DAP: variants seen among roughly 807,000 people sequenced by gnomAD.
DAP encodes the protein death associated protein.
In DAP, 8 loss-of-function variants were observed where a neutral mutation model predicts 13.8. That is an observed-to-expected ratio of 0.58 (90% CI 0.34 to 1.05). DAP has a LOEUF of 1.05. Among genes scored for constraint, DAP ranks in the 50% least tolerant of loss-of-function variants. DAP has a pLI of 0.03. For synonymous variants in DAP, 47 were observed against 47.5 expected, an observed-to-expected ratio of 0.99 and a Z score of 0.04; for missense variants, 106 against 133.2, an observed-to-expected ratio of 0.80 and a Z score of 1.01.
chr5:10,702,144 A>G (rs1267449745), intron 2 of DAP, among the ~76,000 whole-genome samples: 3 of 152,210 alleles, frequency 2.0e-5, no homozygotes, highest in Non-Finnish European at 4.4e-5. Flanking sequence ...GTCAAGGACC[A>G]TGGTGGAATT....
Position 10,761,147 on chromosome 5 carries a change from G to T in DAP, c.-79C>A. On this transcript the variant is annotated 5_prime_UTR_variant, in exon 1 of 4. Transcript: ENST00000230895. ...CGGGCGTGCGCGAGTGAGCTCAGGT[G>T]TGAGCGCCGGGGAGCGAGCGGGCGG... 3 of 850,676 alleles carry T rather than the reference G, an allele frequency of 3.5e-6. No individual in the cohort carries two copies. Among genetic ancestry groups the T allele is most frequent in the Non-Finnish European group, 4.6e-6 (3 of 653,774 alleles). 52.7% of individuals were successfully genotyped at this position (850,676 alleles called of 1,614,324 possible).
rs1048766684 is a variant in DAP at position 10,683,518 on chromosome 5, C to G, written c.195+11G>C. 1.2e-6 allele frequency: 2 copies of G among 1,614,014 alleles called. No individual in the cohort carries two copies. The highest frequency in any genetic ancestry group is 1.7e-6 in the Non-Finnish European group (2 of 1,179,934). On this transcript the variant is annotated intron_variant, in intron 3 of 3. Transcript: ENST00000230895. ...AAGCCTCAAACCCACCGCAGACACT[C>G]CCAGACTTACCCGGGCGATGACCCC...
chr5:10,720,841 A>G (rs867166296), intron 2 of DAP, among the ~76,000 whole-genome samples: 5 of 152,198 alleles, frequency 3.3e-5, no homozygotes, highest in Non-Finnish European at 5.9e-5. Context: ...TGGAATAGAC[A>G]CTTACTCTGG....
intron 1 of DAP, among the ~76,000 whole-genome samples, chr5:10,758,576 C>G (rs1428495943): frequency 6.6e-6 from 1 of 152,172 alleles, no homozygotes; most frequent in Non-Finnish European, 1.5e-5. Flanking sequence ...AGGAGTTTAC[C>G]TGGGGGATGA....
intron 2 of DAP, among the ~76,000 whole-genome samples, chr5:10,685,464 G>T (rs1218592531): frequency 6.6e-6 from 1 of 152,174 alleles, no homozygotes; most frequent in Non-Finnish European, 1.5e-5. Flanking sequence ...GGGCCAAGGA[G>T]TTTGCATCCA....
At chr5:10,692,500 G>C (rs531544166) in intron 2 of DAP, among the ~76,000 whole-genome samples, 1 of 152,190 alleles carries the variant, frequency 6.6e-6, no homozygotes, top group Admixed American at 6.5e-5. Flanking sequence ...TTAGTCCAGC[G>C]CCCATCCCAA....
rs867760889 is a variant in DAP, at chr5:10,705,577, T to C, written c.153-22006A>G. On this transcript the variant is annotated intron_variant, in intron 2 of 3. Coordinates refer to ENST00000230895, the MANE Select transcript of DAP (RefSeq NM_004394.3). ...AGAAGCAGTTCCATGCAGGGCCACA[T>C]GCCCTCATGGTGTGTACTATCTGGG... Among the ~76,000 whole-genome samples the C allele has an allele frequency of 7.2e-5, 11 of 152,362 alleles. No homozygotes were observed. The South Asian group carries it at 8.3e-4, about 11-fold the overall frequency.
At chr5:10,747,743 G>A (rs1739942895) in intron 2 of DAP, among the ~76,000 whole-genome samples, 4 of 152,228 alleles carry the variant, frequency 2.6e-5, no homozygotes, top group Admixed American at 2.6e-4. Flanking sequence ...TGGTGGTCCA[G>A]CCTTGGGAAG....
chr5:10,722,627 C>CAT (rs1277855353), intron 2 of DAP, among the ~76,000 whole-genome samples: 41 of 148,522 alleles, frequency 2.8e-4, no homozygotes, highest in African/African-American at 8.3e-4. Flanking sequence ...TATATACACA[C>CAT]ATATATATAC....
At chr5:10,741,647 G>A (rs1326342875) in intron 2 of DAP, among the ~76,000 whole-genome samples, 2 of 152,210 alleles carry the variant, frequency 1.3e-5, no homozygotes, top group East Asian at 3.8e-4. Flanking sequence ...TTTCTATAAA[G>A]GGCGAGATAA....
intron 2 of DAP, among the ~76,000 whole-genome samples, chr5:10,745,042 A>T (rs1739865340): frequency 6.6e-6 from 1 of 152,134 alleles, no homozygotes; most frequent in Admixed American, 6.5e-5. Context: ...CAAATGAATT[A>T]ATATGAACAG....
Position 10,680,828 on chromosome 5 carries a change from G to A in DAP, c.*228C>T. On this transcript the variant is annotated 3_prime_UTR_variant, in exon 4 of 4. Coordinates refer to ENST00000230895, the MANE Select transcript of DAP (RefSeq NM_004394.3). ...AATTCTGCTAATGGCACCTCTAGGG[G>A]CACAATGATCCTCAAATGACATCCA... 1 of 1,536,822 alleles carries A rather than the reference G, an allele frequency of 6.5e-7. No individual in the cohort carries two copies. The highest frequency in any genetic ancestry group is 8.7e-7 in the Non-Finnish European group (1 of 1,147,026).
chr5:10,690,068 T>C (rs755392854), intron 2 of DAP, among the ~76,000 whole-genome samples: 1 of 152,098 alleles, frequency 6.6e-6, no homozygotes, highest in Non-Finnish European at 1.5e-5. Flanking sequence ...AAGAACCCCA[T>C]GTGTCCAGCA....
At chr5:10,742,633 C>T (rs1739789855) in intron 2 of DAP, among the ~76,000 whole-genome samples, 1 of 152,088 alleles carries the variant, frequency 6.6e-6, no homozygotes, top group Non-Finnish European at 1.5e-5. Flanking sequence ...TCTGCCCTGC[C>T]CCAAACCTTT....
chr5:10,698,322 G>A (rs1394604598), intron 2 of DAP, among the ~76,000 whole-genome samples: 1 of 136,902 alleles, frequency 7.3e-6, no homozygotes, highest in East Asian at 2.3e-4. Flanking sequence ...GCAAGGTCAA[G>A]TAGACAGAAA....
intron 1 of DAP, among the ~76,000 whole-genome samples, chr5:10,751,279 CAG>C (rs1267112296): frequency 6.6e-6 from 1 of 152,128 alleles, no homozygotes; most frequent in African/African-American, 2.4e-5. Context: ...AAAGACAAAA[CAG>C]AAAAGACCTA....
At chr5:10,721,365 A>C (rs1458490085) in intron 2 of DAP, among the ~76,000 whole-genome samples, 1 of 152,196 alleles carries the variant, frequency 6.6e-6, no homozygotes, top group African/African-American at 2.4e-5. Context: ...CGCGGCTACC[A>C]GGAGACACAA....
chr5:10,726,062 A>G (rs1036254470), intron 2 of DAP, among the ~76,000 whole-genome samples: 1 of 152,252 alleles, frequency 6.6e-6, no homozygotes, highest in Non-Finnish European at 1.5e-5. Context: ...GGACCGATTA[A>G]GTTGAGACAT....
intron 1 of DAP, 124 bp downstream of exon 1, chr5:10,760,890 A>C: frequency 3.7e-6 from 2 of 541,246 alleles, no homozygotes; most frequent in Non-Finnish European, 2.6e-6. Context: ...TCGGGCGGGC[A>C]TCAAGGCCCG....
Sources: gnomAD v4.1 joint callset for allele counts (sites outside exome capture counted in the v4.1 genomes callset) on GRCh38, gnomAD v4.1.1 for gene constraint, MANE v1.5 for transcripts, NCBI Gene and HGNC (gene_info 2026-07-23, HGNC 2026-07-21) for gene names.